Variants in AP3B1 observed in about 807,000 individuals in gnomAD.
The protein encoded by AP3B1 is adaptor related protein complex 3 subunit beta 1.
AP3B1 carries 61 observed loss-of-function variants against 132.5 expected under a neutral mutation model. That is an observed-to-expected ratio of 0.46 (90% CI 0.37 to 0.57). The LOEUF (loss-of-function observed/expected upper bound fraction) is 0.57, where lower values mean the gene tolerates loss of function less well. AP3B1 is among the 20% of genes least tolerant of loss of function. AP3B1 has a pLI of 0.00. For synonymous variants in AP3B1, 388 were observed against 438.3 expected (o/e 0.89, Z 1.43); for missense variants, 1,120 against 1,289.4 (o/e 0.87, Z 2.01).
chr5:78,128,065 C>A lies in AP3B1; in HGVS notation c.1933G>T (p.Asp645Tyr). 2 of 1,613,156 alleles carry A rather than the reference C, an allele frequency of 1.2e-6. No individual in the cohort carries two copies. Among genetic ancestry groups the A allele is most frequent in the South Asian group, 2.2e-5 (2 of 91,040 alleles). The change falls in exon 17 of 27, where the codon GAC becomes TAC. Residue 645 changes from aspartate (D) to tyrosine (Y), a missense_variant. Asp to Tyr is a radical substitution (Grantham distance 160). Coordinates refer to ENST00000255194, the MANE Select transcript of AP3B1 (RefSeq NM_003664.5). ...ACTTCTACATTTCGAACTGATGGGT[C>A]GGGCGCCACCTCTGGCCAATTAGAT... ...ELSNWPEVAP[D>Y]PSVRNVEVIE...
intron 11 of AP3B1, among the ~76,000 whole-genome samples, chr5:78,166,116 G>GTC (rs1438335428): frequency 2.9e-4 from 29 of 98,984 alleles, no homozygotes; most frequent in African/African-American, 1.3e-3. Context: ...CTGAAACTCT[G>GTC]TCACACACAC....
At chr5:78,150,803 CAAG>C (rs1425169918) in intron 14 of AP3B1, among the ~76,000 whole-genome samples, 1 of 151,912 alleles carries the variant, frequency 6.6e-6, no homozygotes, top group Non-Finnish European at 1.5e-5. Flanking sequence ...TTCAGACTTA[CAAG>C]AAGAGTAAAA....
chr5:78,004,318 G>A (rs77771781), intron 26 of AP3B1, among the ~76,000 whole-genome samples: 1,642 of 152,208 alleles, frequency 0.011, 24 homozygotes, highest in African/African-American at 0.038. Context: ...CATGGGCCTC[G>A]CACAGAGCCC....
chr5:78,202,693 C>A (rs1420631090), intron 7 of AP3B1, among the ~76,000 whole-genome samples: 1 of 151,808 alleles, frequency 6.6e-6, no homozygotes, highest in Non-Finnish European at 1.5e-5. Flanking sequence ...GGGCAAACAA[C>A]TAACTTGGAA....
chr5:78,073,453 TACC>T (rs929861915), intron 22 of AP3B1, among the ~76,000 whole-genome samples: 8 of 152,186 alleles, frequency 5.3e-5, no homozygotes, highest in African/African-American at 1.9e-4. Context: ...TTCATTTCAA[TACC>T]ACAATTCAAC....
chr5:78,279,882 G>GACTTAAATATATATATATT, intron 1 of AP3B1, among the ~76,000 whole-genome samples: 1 of 137,122 alleles, frequency 7.3e-6, no homozygotes, highest in Non-Finnish European at 1.6e-5. Flanking sequence ...ATATATATAT[G>GACTTAAATATATATATATT]ACTTAAATAT....
At chr5:78,212,405 G>A (rs1297236276) in intron 7 of AP3B1, among the ~76,000 whole-genome samples, 4 of 152,170 alleles carry the variant, frequency 2.6e-5, no homozygotes, top group African/African-American at 9.7e-5. Context: ...GGATTTAAAT[G>A]AATTCGGTAT....
At position 78,227,364 on chromosome 5, in the gene AP3B1, G is replaced by T; in HGVS notation, c.536+8C>A. 1 of 1,611,326 alleles carries T rather than the reference G, an allele frequency of 6.2e-7. No individual in the cohort carries two copies. Among genetic ancestry groups the T allele is most frequent in the Admixed American group, 1.7e-5 (1 of 60,010 alleles). On this transcript the variant is annotated splice_region_variant and intron_variant, in intron 5 of 26. Transcript: ENST00000255194. ...AGATCTTTGGTATATTGTTAACAAT[G>T]CACCTACCTGTATAATTTTTGTATT...
intron 20 of AP3B1, among the ~76,000 whole-genome samples, chr5:78,106,658 G>C (rs1192788485): frequency 6.6e-6 from 1 of 152,120 alleles, no homozygotes; most frequent in Admixed American, 6.5e-5. Flanking sequence ...CAATGGCAAT[G>C]GTCTATGCAG....
In AP3B1 at chr5:78,110,259, G is replaced by A. The variant is rs143589037; in HGVS notation, c.2345C>T (p.Ser782Phe). ...ACTTTCAGGTTCTGACTCTGATTCA[G>A]AATCGGAAGAACTGTCTTCTATTGA... ...SSSIEDSSSD[S>F]ESESEPESES... The change falls in exon 20 of 27, where the codon TCT becomes TTT. Residue 782 changes from serine (S) to phenylalanine (F), a missense_variant. Physicochemically the swap from Ser to Phe is radical, Grantham distance 155. Around this residue, in one of 3 missense-constraint regions of AP3B1, gnomAD observed 906 missense variants for 997.1 expected, o/e 0.91. Transcript: ENST00000255194. 245 of 1,608,654 alleles carry A rather than the reference G, an allele frequency of 1.5e-4. No individual in the cohort carries two copies. Among genetic ancestry groups the A allele is most frequent in the African/African-American group, 5.3e-5 (4 of 74,882 alleles).
intron 14 of AP3B1, among the ~76,000 whole-genome samples, chr5:78,155,397 T>C (rs1743103521): frequency 6.6e-6 from 1 of 152,216 alleles, no homozygotes; most frequent in Admixed American, 6.5e-5. Flanking sequence ...TAAAACCAGA[T>C]ACTGTGAGTG....
chr5:78,155,172 G>C (rs963002039), intron 14 of AP3B1, among the ~76,000 whole-genome samples: 2 of 152,174 alleles, frequency 1.3e-5, no homozygotes, highest in Admixed American at 6.5e-5. Context: ...GACTGGTAGA[G>C]GTACTGCCTT....
chr5:78,162,762 A>T, intron 13 of AP3B1, 57 bp downstream of exon 13: 1 of 1,586,698 alleles, frequency 6.3e-7, no homozygotes, highest in Non-Finnish European at 8.6e-7. Context: ...CTTGGAAATA[A>T]TACCAAGAAT....
chr5:78,147,774 C>T (rs1229584079), intron 14 of AP3B1, among the ~76,000 whole-genome samples: 2 of 152,202 alleles, frequency 1.3e-5, no homozygotes. Flanking sequence ...CCATGGCTCA[C>T]GCCTGTAATC....
intron 16 of AP3B1, among the ~76,000 whole-genome samples, chr5:78,128,452 TAAAC>T (rs1424919005): frequency 1.3e-5 from 2 of 152,138 alleles, no homozygotes; most frequent in African/African-American, 2.4e-5. Context: ...ACAGCACAGT[TAAAC>T]AATCCATATA....
intron 8 of AP3B1, among the ~76,000 whole-genome samples, chr5:78,180,345 A>G (rs907201122): frequency 1.1e-4 from 17 of 152,094 alleles, no homozygotes; most frequent in Admixed American, 2.6e-4. Context: ...CTTTAAGAAC[A>G]TGTTTAACCT....
chr5:78,238,121 G>A lies in AP3B1; in HGVS notation c.279+2741C>T, dbSNP rs117994879. Among the ~76,000 whole-genome samples the A allele has an allele frequency of 1.7e-3, 252 of 152,260 alleles. 7 individuals are homozygous for A. In the East Asian group the frequency reaches 0.047, roughly 28 times the overall value. On this transcript the variant is annotated intron_variant, in intron 3 of 26. Coordinates refer to ENST00000255194, the MANE Select transcript of AP3B1 (RefSeq NM_003664.5). ...TATTTACAGCTGCTCTTCATTGCTC[G>A]CATTACCTCCTGAGCTCTGCCTACT... is the stretch of plus-strand genomic sequence containing the variant.
intron 1 of AP3B1, among the ~76,000 whole-genome samples, chr5:78,286,085 C>A (rs2112592446): frequency 6.6e-6 from 1 of 152,308 alleles, no homozygotes; most frequent in South Asian, 2.1e-4. Context: ...CCTACACAAT[C>A]AGGTCTCCGC....
intron 22 of AP3B1, among the ~76,000 whole-genome samples, chr5:78,039,777 C>CA (rs1253462843): frequency 0.019 from 1,360 of 70,382 alleles, 13 homozygotes; most frequent in East Asian, 0.098. Context: ...GACTCCGTCT[C>CA]AAAAAAAAAA....
Sources: gnomAD v4.1 joint callset for allele counts (sites outside exome capture counted in the v4.1 genomes callset) on GRCh38, gnomAD v4.1.1 for gene constraint, gnomAD v4.1.1 regional missense constraint, MANE v1.5 for transcripts, NCBI Gene and HGNC (gene_info 2026-07-23, HGNC 2026-07-21) for gene names.